TCFL5: variants seen among roughly 807,000 people sequenced by gnomAD.
TCFL5 encodes the protein transcription factor like 5.
TCFL5 carries 9 observed loss-of-function variants against 44.3 expected under a neutral mutation model. The ratio of observed to expected loss-of-function variants is 0.20; its 90% CI spans 0.12 to 0.35. The LOEUF (loss-of-function observed/expected upper bound fraction) is 0.35, where lower values mean the gene tolerates loss of function less well. Among genes scored for constraint, TCFL5 ranks in the 10% least tolerant of loss-of-function variants. The probability of loss-of-function intolerance (pLI) is 1.00; values close to 1 mark genes in which losing one functional copy is unlikely to be tolerated. For synonymous variants in TCFL5, 319 were observed against 271.6 expected, an observed-to-expected ratio of 1.17 and a Z score of -1.72; for missense variants, 603 against 613.4, an observed-to-expected ratio of 0.98 and a Z score of 0.18.
chr20:62,861,200 G>T lies in TCFL5; in HGVS notation c.471C>A (p.Ala157=). 2 of 1,048,754 alleles carry T rather than the reference G, an allele frequency of 1.9e-6. No individual in the cohort carries two copies. Among genetic ancestry groups the T allele is most frequent in the South Asian group, 7.5e-5 (2 of 26,736 alleles). The allele number at this position is 1,048,754 out of a possible 1,614,324, so 65.0% of individuals were successfully genotyped here. ...GDGARARADG[A]AKEGAGAAAA... ...CAGCCGCGCCCGCGCCCTCCTTGGC[G>T]GCGCCGTCGGCCCGGGCCCTCGCTC... The change falls in exon 1 of 6, where the codon GCC becomes GCA. Residue 157 remains alanine, a synonymous_variant. Coordinates refer to ENST00000335351, the MANE Select transcript of TCFL5 (RefSeq NM_006602.4). This position sits in a 1 kb window ranked among gnomAD's most constrained non-coding sequence, Gnocchi z 4.0.
chr20:62,860,374 C>G, intron 1 of TCFL5, 66 bp from the exon 2 acceptor site: 1 of 1,460,772 alleles, frequency 6.8e-7, no homozygotes, highest in Non-Finnish European at 9.4e-7. Flanking sequence ...CACCATCCCA[C>G]TCCCATGGCT....
intron 5 of TCFL5, among the ~76,000 whole-genome samples, chr20:62,853,564 T>C (rs575938059): frequency 5.4e-4 from 83 of 152,332 alleles, no homozygotes; most frequent in South Asian, 8.3e-4. Context: ...TTGCCCAGGC[T>C]GGTCTCAAAC....
intron 5 of TCFL5, among the ~76,000 whole-genome samples, chr20:62,848,630 C>CGGGAG (rs1251549469): frequency 1.3e-5 from 2 of 151,424 alleles, no homozygotes; most frequent in Non-Finnish European, 2.9e-5. Flanking sequence ...CCCAGCTACT[C>CGGGAG]GGGAGGCTGA....
At position 62,841,804 on chromosome 20, in the gene TCFL5, A is replaced by T; in HGVS notation, c.*171T>A. The stretch of plus-strand genomic sequence containing the variant: ...CATTCATGGATAAGCATTTGCGTCT[A>T]GATAAATATTTTTACAAAATGTGCT... On this transcript the variant is annotated 3_prime_UTR_variant, in exon 6 of 6. Coordinates refer to ENST00000335351, the MANE Select transcript of TCFL5 (RefSeq NM_006602.4). The T allele has an allele frequency of 2.8e-6, 2 of 717,534 alleles. No individual in the cohort carries two copies. Among genetic ancestry groups the T allele is most frequent in the Non-Finnish European group, 4.2e-6 (2 of 476,870 alleles). 44.4% of individuals were successfully genotyped at this position (717,534 alleles called of 1,614,324 possible).
chr20:62,845,803 T>G lies in TCFL5; in HGVS notation c.1381-3706A>C, dbSNP rs377526736. On this transcript the variant is annotated intron_variant, in intron 5 of 5. Coordinates refer to ENST00000335351, the MANE Select transcript of TCFL5 (RefSeq NM_006602.4). ...CTGGAGAATGGGGAAGGTGTGGCAA[T>G]GTGTCCAGGCTGCTCTCTCATTATA... 14 of 1,603,754 alleles carry G rather than the reference T, an allele frequency of 8.7e-6. No individual in the cohort carries two copies. In the African/African-American group the frequency reaches 1.9e-4, roughly 21 times the overall value.
intron 4 of TCFL5, among the ~76,000 whole-genome samples, 173 bp downstream of exon 4, chr20:62,857,222 G>A (rs569671553): frequency 7.2e-5 from 11 of 152,268 alleles, no homozygotes; most frequent in Admixed American, 2.0e-4. Context: ...GTGAGCCAGC[G>A]AGCCTGGGCA....
chr20:62,848,559 G>C (rs1002121051), intron 5 of TCFL5, among the ~76,000 whole-genome samples: 1 of 152,098 alleles, frequency 6.6e-6, no homozygotes, highest in African/African-American at 2.4e-5. Flanking sequence ...CCAACATGGC[G>C]AAACACTGTC....
chr20:62,850,042 T>C (rs531879597), intron 5 of TCFL5, among the ~76,000 whole-genome samples: 2 of 152,150 alleles, frequency 1.3e-5, no homozygotes, highest in African/African-American at 4.8e-5. Flanking sequence ...CAAATCTGAA[T>C]AGTCTGTGCA....
At position 62,850,341 on chromosome 20, in the gene TCFL5, C is replaced by T. The variant is rs1384639819; in HGVS notation, c.1380+3675G>A. On this transcript the variant is annotated intron_variant, in intron 5 of 5. Transcript: ENST00000335351. Reference sequence around the variant, plus strand: ...CGCCCTGCCCTCACCCCATACTTATCTATCCCCTGCCTCCCGATGTCCCCA... The same window carrying T: ...CGCCCTGCCCTCACCCCATACTTATTTATCCCCTGCCTCCCGATGTCCCCA... Among the ~76,000 whole-genome samples the T allele has an allele frequency of 3.9e-5, 6 of 152,048 alleles. No homozygotes were observed. The East Asian group carries it at 1.2e-3, about 29-fold the overall frequency.
At chr20:62,858,568 T>C (rs2063932291) in intron 3 of TCFL5, among the ~76,000 whole-genome samples, 1 of 152,230 alleles carries the variant, frequency 6.6e-6, no homozygotes, top group Non-Finnish European at 1.5e-5. Flanking sequence ...CTTGGAAAGC[T>C]AAGTGTAAGG....
At chr20:62,858,807 G>A (rs1044127704) in intron 3 of TCFL5, among the ~76,000 whole-genome samples, 6 of 132,064 alleles carry the variant, frequency 4.5e-5, no homozygotes, top group African/African-American at 1.4e-4. Context: ...CAGGGAGGAA[G>A]GGGCTACGCA....
intron 5 of TCFL5, among the ~76,000 whole-genome samples, chr20:62,850,963 G>A (rs1036150572): frequency 2.0e-5 from 3 of 151,966 alleles, no homozygotes; most frequent in Non-Finnish European, 4.4e-5. Flanking sequence ...ACGTTTACTC[G>A]TCCCCTGCCT....
intron 3 of TCFL5, among the ~76,000 whole-genome samples, chr20:62,858,572 T>C (rs941377355): frequency 2.0e-5 from 3 of 152,212 alleles, no homozygotes; most frequent in African/African-American, 4.8e-5. Context: ...GAAAGCTAAG[T>C]GTAAGGAGTG....
chr20:62,848,144 C>A (rs6062708), intron 5 of TCFL5, among the ~76,000 whole-genome samples: 1 of 152,072 alleles, frequency 6.6e-6, no homozygotes, highest in African/African-American at 2.4e-5. Context: ...ACAGACAGCA[C>A]GTGAGGGACA....
chr20:62,855,037 C>T (rs2063866878), intron 4 of TCFL5, among the ~76,000 whole-genome samples: 1 of 152,128 alleles, frequency 6.6e-6, no homozygotes, highest in South Asian at 2.1e-4. Flanking sequence ...ATAGCAGGTA[C>T]TCAATAAATG....
At chr20:62,845,123 A>T (rs1027484382) in intron 5 of TCFL5, 25 of 887,854 alleles carry the variant, frequency 2.8e-5, no homozygotes, top group East Asian at 2.4e-4. Flanking sequence ...TTTCTTCCCA[A>T]TTTTTTTTTT....
chr20:62,859,017 T>C (rs1600859595), intron 3 of TCFL5, among the ~76,000 whole-genome samples: 1 of 152,212 alleles, frequency 6.6e-6, no homozygotes. Flanking sequence ...GTTAGATGAC[T>C]GCCTCACTCA....
chr20:62,853,823 G>A lies in TCFL5; in HGVS notation c.1380+193C>T, dbSNP rs572046061. ...TATTTACACACTGAGTGTAACACATGTAGGCTGTGACTATTACTTTAATAA... is the reference window on the plus strand; with the variant it reads ...TATTTACACACTGAGTGTAACACATATAGGCTGTGACTATTACTTTAATAA... On this transcript the variant is annotated intron_variant, in intron 5 of 5. Transcript: ENST00000335351. Among the ~76,000 whole-genome samples, 7 of 152,292 alleles carry A rather than the reference G, an allele frequency of 4.6e-5. No homozygotes were observed. The South Asian group carries it at 1.2e-3, about 27-fold the overall frequency.
At chr20:62,850,900 G>C (rs143224636) in intron 5 of TCFL5, among the ~76,000 whole-genome samples, 1,671 of 152,146 alleles carry the variant, frequency 0.011, 13 homozygotes, top group Middle Eastern at 0.017. Context: ...CCCCGAGTCC[G>C]GCTGGCTCGC....
Sources: allele counts gnomAD v4.1 joint callset (sites outside exome capture counted in the v4.1 genomes callset), GRCh38; gene constraint gnomAD v4.1.1; non-coding constraint Gnocchi (gnomAD v3.1); transcripts MANE v1.5; gene names NCBI Gene and HGNC (gene_info 2026-07-23, HGNC 2026-07-21).